AJAP1: variants seen among roughly 807,000 people sequenced by gnomAD.
AJAP1 encodes the protein adherens junction-associated protein 1.
AJAP1 carries 5 observed loss-of-function variants against 35.0 expected under a neutral mutation model. That is an observed-to-expected ratio of 0.14 (90% CI 0.07 to 0.30). AJAP1 has a LOEUF of 0.30. AJAP1 is among the 10% of genes least tolerant of loss of function. The pLI is 1.00. For synonymous variants in AJAP1, 284 were observed against 249.3 expected (o/e 1.14, Z -1.31); for missense variants, 586 against 571.0 (o/e 1.03, Z -0.27).
chr1:4,748,475 C>T (rs1037805311), intron 2 of AJAP1, among the ~76,000 whole-genome samples: 26 of 151,966 alleles, frequency 1.7e-4, no homozygotes, highest in Non-Finnish European at 2.5e-4. Context: ...TGGCTGGGTG[C>T]GGTGTCTCAC....
In AJAP1 at chr1:4,723,233, C is replaced by T. The variant is rs1392441745; in HGVS notation, c.829+10534C>T. 6.6e-6 allele frequency among the ~76,000 whole-genome samples: 1 copy of T among 152,182 alleles called. No individual in the cohort carries two copies. The highest frequency in any genetic ancestry group is 2.4e-5 in the African/African-American group (1 of 41,448). On this transcript the variant is annotated intron_variant, in intron 2 of 5. Coordinates refer to ENST00000378191, the MANE Select transcript of AJAP1 (RefSeq NM_018836.4). This position sits in a 1 kb window ranked among gnomAD's most constrained non-coding sequence, Gnocchi z 4.3. ...CTGGGGAGCAGCAGATTGGAAGGAG[C>T]CCTTGGGACGGGACCTTCACTCTTG...
chr1:4,658,779 C>G (rs1638938298), intron 1 of AJAP1, among the ~76,000 whole-genome samples: 1 of 152,198 alleles, frequency 6.6e-6, no homozygotes, highest in Non-Finnish European at 1.5e-5. Flanking sequence ...TCCTTTTCTT[C>G]CATGCATTGG....
intron 2 of AJAP1, among the ~76,000 whole-genome samples, chr1:4,740,163 A>G (rs949177508): frequency 1.3e-5 from 2 of 151,950 alleles, no homozygotes; most frequent in African/African-American, 2.4e-5. Context: ...CATCCACACA[A>G]TGAAATATCC....
In AJAP1 at chr1:4,758,040, T is replaced by C. The variant is rs1031609700; in HGVS notation, c.830-11813T>C. ...GATCTGATGGTTTTATAAGGGGTTT[T>C]CTCCCTTTTGCTCTGCACTTGTCTT... On this transcript the variant is annotated intron_variant, in intron 2 of 5. Transcript: ENST00000378191. 5.3e-5 allele frequency among the ~76,000 whole-genome samples: 8 copies of C among 152,106 alleles called. No individual in the cohort carries two copies. In the East Asian group the frequency reaches 7.7e-4, roughly 15 times the overall value.
At chr1:4,739,220 G>A (rs1470284151) in intron 2 of AJAP1, among the ~76,000 whole-genome samples, 2 of 152,178 alleles carry the variant, frequency 1.3e-5, no homozygotes, top group Non-Finnish European at 2.9e-5. Flanking sequence ...GGGGAAAGAC[G>A]ATCTCACACA....
intron 1 of AJAP1, among the ~76,000 whole-genome samples, chr1:4,684,672 C>G (rs556717611): frequency 4.6e-5 from 7 of 152,284 alleles, no homozygotes; most frequent in African/African-American, 1.7e-4. Context: ...CTACATCATT[C>G]AAGACAGACA....
chr1:4,722,473 C>T (rs774730809), intron 2 of AJAP1, among the ~76,000 whole-genome samples: 42 of 152,378 alleles, frequency 2.8e-4, no homozygotes, highest in Middle Eastern at 6.8e-3. Flanking sequence ...TATGTTCACA[C>T]GCATCTTGTG....
At chr1:4,752,834 A>G (rs1012130255) in intron 2 of AJAP1, among the ~76,000 whole-genome samples, 22 of 152,228 alleles carry the variant, frequency 1.4e-4, no homozygotes, top group Non-Finnish European at 2.5e-4. Flanking sequence ...GGAAGAATTC[A>G]AAGCATAAGA....
intron 1 of AJAP1, among the ~76,000 whole-genome samples, chr1:4,707,477 C>T (rs1381422883): frequency 6.6e-6 from 1 of 152,150 alleles, no homozygotes; most frequent in East Asian, 1.9e-4. Flanking sequence ...GATTTGGTCA[C>T]TCTGTGCATT....
At chr1:4,669,712 T>C (rs1306059278) in intron 1 of AJAP1, among the ~76,000 whole-genome samples, 1 of 152,206 alleles carries the variant, frequency 6.6e-6, no homozygotes, top group African/African-American at 2.4e-5. Context: ...CATAATGTTT[T>C]TTAGTTCACC....
intron 1 of AJAP1, among the ~76,000 whole-genome samples, chr1:4,658,785 A>T (rs1367200594): frequency 2.0e-5 from 3 of 152,118 alleles, no homozygotes; most frequent in East Asian, 3.9e-4. Context: ...TCTTCCATGC[A>T]TTGGAGAGGG....
At chr1:4,701,279 C>A (rs1211351962) in intron 1 of AJAP1, among the ~76,000 whole-genome samples, 5 of 152,252 alleles carry the variant, frequency 3.3e-5, no homozygotes, top group Non-Finnish European at 5.9e-5. Context: ...CTCCCGCACA[C>A]CCCTGCCACT....
At chr1:4,714,953 G>C (rs912093885) in intron 2 of AJAP1, among the ~76,000 whole-genome samples, 1 of 152,296 alleles carries the variant, frequency 6.6e-6, no homozygotes. Context: ...AGTACTTGCT[G>C]GTGATGCAGG....
At position 4,664,685 on chromosome 1, in the gene AJAP1, C is replaced by T. The variant is rs142782828; in HGVS notation, c.29+9231C>T. ...CTGGGCTGCCCTTTGGTGGCATCTG[C>T]CTGGCTCTCATTTGCTTCTACTTGG... On this transcript the variant is annotated intron_variant, in intron 1 of 5. Transcript: ENST00000378191. Among the ~76,000 whole-genome samples, 337 of 152,186 alleles carry T rather than the reference C, an allele frequency of 2.2e-3. 1 individual carries two copies. The highest frequency in any genetic ancestry group is 7.4e-3 in the African/African-American group (309 of 41,544).
chr1:4,655,216 A>G lies in AJAP1; in HGVS notation c.-210A>G, dbSNP rs1006233642. 3.2e-5 allele frequency: 5 copies of G among 155,794 alleles called. No homozygotes were observed. Among genetic ancestry groups the G allele is most frequent in the South Asian group, 2.0e-4 (1 of 4,930 alleles). The allele number at this position is 155,794 out of a possible 1,614,324, so 9.7% of individuals were successfully genotyped here. On this transcript the variant is annotated 5_prime_UTR_variant, in exon 1 of 6. An upstream start codon of the reference 5' UTR is lost. Transcript: ENST00000378191. The surrounding 1 kb of genome is among the most constrained non-coding windows in gnomAD (Gnocchi z 6.9). ...CCCCGCGGGCCGCCCAGCCTGAGCCATGCGCCCCAACGGCGGCGGCGCGCC... is the reference window on the plus strand; with the variant it reads ...CCCCGCGGGCCGCCCAGCCTGAGCCGTGCGCCCCAACGGCGGCGGCGCGCC...
At chr1:4,762,850 G>T (rs1351837479) in intron 2 of AJAP1, among the ~76,000 whole-genome samples, 2 of 152,176 alleles carry the variant, frequency 1.3e-5, no homozygotes, top group African/African-American at 4.8e-5. Context: ...AGCTGTAAAT[G>T]CGCTAATTCA....
intron 1 of AJAP1, among the ~76,000 whole-genome samples, chr1:4,671,171 C>T (rs190515256): frequency 6.6e-6 from 1 of 152,136 alleles, no homozygotes; most frequent in African/African-American, 2.4e-5. Flanking sequence ...AAGTTCAAGA[C>T]CAGCCTGGCC....
chr1:4,751,200 G>A (rs1033906194), intron 2 of AJAP1, among the ~76,000 whole-genome samples: 4 of 152,112 alleles, frequency 2.6e-5, no homozygotes, highest in African/African-American at 7.2e-5. Flanking sequence ...ACGGCACCAT[G>A]TCTGGACCCG....
rs754636734 is a variant in AJAP1, at chr1:4,712,342, C to T, written c.472C>T (p.His158Tyr). The part of the protein sequence containing the change: ...QQALLRRGKR[H>Y]LQGDGLSSFD... ...GGCCCTCCTGAGGAGGGGCAAGAGG[C>T]ACCTGCAGGGGGACGGTCTCAGCAG... Residue 158 changes from histidine to tyrosine, a missense_variant, in exon 2 of 6, where the codon CAC becomes TAC. By Grantham distance (83) the His-to-Tyr change is moderately conservative. Coordinates refer to ENST00000378191, the MANE Select transcript of AJAP1 (RefSeq NM_018836.4). The T allele has an allele frequency of 6.7e-7, 1 of 1,497,156 alleles. No individual in the cohort carries two copies. Among genetic ancestry groups the T allele is most frequent in the Non-Finnish European group, 8.9e-7 (1 of 1,121,080 alleles). The allele number at this position is 1,497,156 out of a possible 1,614,324, so 92.7% of individuals were successfully genotyped here. A position where few individuals can be genotyped will look rare whatever the true frequency, so the allele number is the denominator to read the frequency against.
Sources: gnomAD v4.1 joint callset for allele counts (sites outside exome capture counted in the v4.1 genomes callset) on GRCh38, gnomAD v4.1.1 for gene constraint, Gnocchi (gnomAD v3.1) non-coding constraint, MANE v1.5 for transcripts, NCBI Gene and HGNC (gene_info 2026-07-23, HGNC 2026-07-21) for gene names.